Variants in ZFYVE19 observed in about 807,000 individuals in gnomAD.
ZFYVE19 encodes abscission/NoCut checkpoint regulator.
In ZFYVE19, 49 loss-of-function variants were observed where a neutral mutation model predicts 62.8. The observed-to-expected ratio is 0.78, with a 90% CI of 0.62 to 0.99. The LOEUF (loss-of-function observed/expected upper bound fraction) is 0.99. Among genes scored for constraint, ZFYVE19 ranks in the 50% least tolerant of loss-of-function variants. The pLI is 0.00. For synonymous variants in ZFYVE19, 242 were observed against 234.3 expected (o/e 1.03, Z -0.30); for missense variants, 630 against 601.9 (o/e 1.05, Z -0.49).
chr15:40,807,232 A>T lies in ZFYVE19; in HGVS notation c.-358A>T. ...GAAATGTCTGGGAGCCCGCCTGCGG[A>T]GGGCATAGCGCCGACCCTCGCTCCC... On this transcript the variant is annotated 5_prime_UTR_variant, in exon 1 of 11. Transcript: ENST00000355341. 2 of 1,552,876 alleles carry T rather than the reference A, an allele frequency of 1.3e-6. No individual in the cohort carries two copies. The highest frequency in any genetic ancestry group is 1.7e-6 in the Non-Finnish European group (2 of 1,149,050).
chr15:40,811,018 C>T (rs1221852141), intron 6 of ZFYVE19: 4 of 414,096 alleles, frequency 9.7e-6, no homozygotes, highest in Non-Finnish European at 1.8e-5. Flanking sequence ...TGACCTAAGT[C>T]TCACTTTCCT....
At chr15:40,811,596 A>C (rs1430192383) in intron 6 of ZFYVE19, among the ~76,000 whole-genome samples, 4 of 128,152 alleles carry the variant, frequency 3.1e-5, no homozygotes, top group Non-Finnish European at 6.9e-5. Context: ...TTATGAGGCC[A>C]GGTGTGGCTC....
intron 6 of ZFYVE19, among the ~76,000 whole-genome samples, chr15:40,812,302 C>T (rs1305348839): frequency 6.6e-6 from 1 of 152,114 alleles, no homozygotes; most frequent in East Asian, 1.9e-4. Context: ...AATCCCAGCA[C>T]TTTGGGAGGC....
At chr15:40,810,443 C>T (rs1360830347) in intron 5 of ZFYVE19, among the ~76,000 whole-genome samples, 4 of 152,168 alleles carry the variant, frequency 2.6e-5, no homozygotes, top group African/African-American at 4.8e-5. Context: ...CTACCAGACC[C>T]GGGGACCAGG....
chr15:40,812,748 T>C lies in ZFYVE19; in HGVS notation c.876T>C (p.Asn292=), dbSNP rs76824203. The change falls in exon 7 of 11, where the codon AAT becomes AAC. Residue 292 remains asparagine (N), a synonymous_variant. Coordinates refer to ENST00000355341, the MANE Select transcript of ZFYVE19 (RefSeq NM_001077268.2). ...ACCAGGGTGGCCCAGGGAGCACTAATTCCAAGAGGCAGGCCAACTGGTCCT... is the reference window on the plus strand; with the variant it reads ...ACCAGGGTGGCCCAGGGAGCACTAACTCCAAGAGGCAGGCCAACTGGTCCT... ...DLNQGGPGST[N]SKRQANWSLE... 1,205 of 1,612,008 alleles carry C rather than the reference T, an allele frequency of 7.5e-4. 12 individuals are homozygous for C. In the East Asian group the frequency reaches 0.019, roughly 25 times the overall value.
chr15:40,807,565 C>T lies in ZFYVE19; in HGVS notation c.-25C>T. On this transcript the variant is annotated 5_prime_UTR_variant, in exon 1 of 11. Coordinates refer to ENST00000355341, the MANE Select transcript of ZFYVE19 (RefSeq NM_001077268.2). ...TGTGTTCTGGGTCAGGCTTGACTGA[C>T]TCTGAGGGAGGCCGGCAGTCGTGAA... 1 of 1,607,882 alleles carries T rather than the reference C, an allele frequency of 6.2e-7. No homozygotes were observed. The highest frequency in any genetic ancestry group is 1.7e-4 in the Middle Eastern group (1 of 6,028).
Position 40,814,298 on chromosome 15 carries a change from G to T in ZFYVE19, c.*72G>T, listed in dbSNP as rs943478072. 7.7e-6 allele frequency: 12 copies of T among 1,552,822 alleles called. No homozygotes were observed. In the African/African-American group the frequency reaches 1.4e-4, roughly 18 times the overall value. ...CCATTTCTGGGCCCAGCCACAGGAC[G>T]TCCGATGGGAGAGCTTGTCTGGCTC... is the stretch of plus-strand genomic sequence containing the variant. On this transcript the variant is annotated 3_prime_UTR_variant, in exon 11 of 11. Transcript: ENST00000355341.
Position 40,807,588 on chromosome 15 carries a change from G to T in ZFYVE19, c.-2G>T. The T allele has an allele frequency of 1.9e-6, 3 of 1,611,522 alleles. No individual in the cohort carries two copies. Among genetic ancestry groups the T allele is most frequent in the Non-Finnish European group, 1.7e-6 (2 of 1,178,664 alleles). On this transcript the variant is annotated 5_prime_UTR_variant, in exon 1 of 11. Transcript: ENST00000355341. The stretch of plus-strand genomic sequence containing the variant: ...GACTCTGAGGGAGGCCGGCAGTCGT[G>T]AATGAACTACGACTCCCAGCAGCCC...
Position 40,810,216 on chromosome 15 carries a change from G to C in ZFYVE19, c.717G>C (p.Pro239=), listed in dbSNP as rs760523517. ...GRVLPSQTPQ[P]AHHTPDTRTQ... The stretch of plus-strand genomic sequence containing the variant: ...TTCTACCTTCTCAAACCCCCCAGCC[G>C]GTGAGTGTTATGGCTTAGGAGAGAA... The change falls in exon 5 of 11, where the codon CCG becomes CCC. Residue 239 remains proline, a splice_region_variant and synonymous_variant. Transcript: ENST00000355341. 3.7e-6 allele frequency: 6 copies of C among 1,614,112 alleles called. No homozygotes were observed. The Admixed American group carries it at 1.0e-4, about 27-fold the overall frequency.
Position 40,807,245 on chromosome 15 carries a change from G to C in ZFYVE19, c.-345G>C. 6.3e-7 allele frequency: 1 copy of C among 1,576,796 alleles called. No individual in the cohort carries two copies. Among genetic ancestry groups the C allele is most frequent in the Non-Finnish European group, 8.6e-7 (1 of 1,162,132 alleles). On this transcript the variant is annotated 5_prime_UTR_variant, in exon 1 of 11. Transcript: ENST00000355341. Reference sequence around the variant, plus strand: ...GCCCGCCTGCGGAGGGCATAGCGCCGACCCTCGCTCCCCGCCCAGGACCCG... The same window carrying C: ...GCCCGCCTGCGGAGGGCATAGCGCCCACCCTCGCTCCCCGCCCAGGACCCG...
chr15:40,814,281 G>A lies in ZFYVE19; in HGVS notation c.*55G>A. ...CCCACAGGCAGCGGCACCCATTTCTGGGCCCAGCCACAGGACGTCCGATGG... is the reference window on the plus strand; with the variant it reads ...CCCACAGGCAGCGGCACCCATTTCTAGGCCCAGCCACAGGACGTCCGATGG... On this transcript the variant is annotated 3_prime_UTR_variant, in exon 11 of 11. Coordinates refer to ENST00000355341, the MANE Select transcript of ZFYVE19 (RefSeq NM_001077268.2). The A allele has an allele frequency of 6.2e-7, 1 of 1,602,520 alleles. No homozygotes were observed. The highest frequency in any genetic ancestry group is 8.5e-7 in the Non-Finnish European group (1 of 1,173,940).
chr15:40,812,882 G>C lies in ZFYVE19; in HGVS notation c.1010G>C (p.Arg337Pro). ...LALAKRLAML[R>P]GQDPERVTLQ... ...CTGGCCAAGCGACTAGCCATGCTGCGGGGACAGGACCCCGAGAGAGGTGAA... is the reference window on the plus strand; with the variant it reads ...CTGGCCAAGCGACTAGCCATGCTGCCGGGACAGGACCCCGAGAGAGGTGAA... Residue 337 changes from arginine to proline, a missense_variant, in exon 7 of 11, where the codon CGG becomes CCG. Arg to Pro is a moderately radical substitution (Grantham distance 103, BLOSUM62 -2). Transcript: ENST00000355341. 6.2e-7 allele frequency: 1 copy of C among 1,612,200 alleles called. No homozygotes were observed. Among genetic ancestry groups the C allele is most frequent in the Non-Finnish European group, 8.5e-7 (1 of 1,179,942 alleles).
Position 40,814,178 on chromosome 15 carries a change from G to A in ZFYVE19, c.1368G>A (p.Glu456=), listed in dbSNP as rs751091464. The part of the protein sequence containing the change: ...REGHDAFELK[E]HQTSAYSPPR... Reference sequence around the variant, plus strand: ...GCCATGATGCCTTTGAGCTTAAAGAGCACCAGACATCTGCCTACTCTCCTC... The same window carrying A: ...GCCATGATGCCTTTGAGCTTAAAGAACACCAGACATCTGCCTACTCTCCTC... The change falls in exon 11 of 11, where the codon GAG becomes GAA. Residue 456 remains glutamate (E), a synonymous_variant. Coordinates refer to ENST00000355341, the MANE Select transcript of ZFYVE19 (RefSeq NM_001077268.2). 1.2e-6 allele frequency: 2 copies of A among 1,614,048 alleles called. No homozygotes were observed. The highest frequency in any genetic ancestry group is 1.7e-6 in the Non-Finnish European group (2 of 1,180,046).
Position 40,814,287 on chromosome 15 carries a change from A to C in ZFYVE19, c.*61A>C, listed in dbSNP as rs7915. 0.36 allele frequency: 578,684 copies of C among 1,592,262 alleles called. 109,893 individuals are homozygous for C. The highest frequency in any genetic ancestry group is 0.67 in the East Asian group (29,729 of 44,240). On this transcript the variant is annotated 3_prime_UTR_variant, in exon 11 of 11. Transcript: ENST00000355341. ...GGCAGCGGCACCCATTTCTGGGCCCAGCCACAGGACGTCCGATGGGAGAGC... is the reference window on the plus strand; with the variant it reads ...GGCAGCGGCACCCATTTCTGGGCCCCGCCACAGGACGTCCGATGGGAGAGC...
intron 8 of ZFYVE19, 70 bp from the exon 9 acceptor site, chr15:40,813,643 A>G: frequency 7.0e-7 from 1 of 1,431,952 alleles, no homozygotes; most frequent in South Asian, 1.2e-5. Flanking sequence ...TCCACAGTGC[A>G]CAGAAATACT....
chr15:40,809,093 G>C, intron 1 of ZFYVE19, 26 bp from the exon 2 acceptor site: 1 of 1,611,102 alleles, frequency 6.2e-7, no homozygotes, highest in Non-Finnish European at 8.5e-7. Context: ...GTGAGAGGGG[G>C]ATCTCCCGCT....
In ZFYVE19 at chr15:40,810,835, T is replaced by G. The variant is rs548670583; in HGVS notation, c.826+78T>G. On this transcript the variant is annotated intron_variant, in intron 6 of 10. Coordinates refer to ENST00000355341, the MANE Select transcript of ZFYVE19 (RefSeq NM_001077268.2). ...TGGAGAGGCTCTGCTGTCCACCCTC[T>G]GGGAGATGAATATAAATCGGAGAGT... The G allele has an allele frequency of 1.1e-5, 17 of 1,513,852 alleles. No homozygotes were observed. The Admixed American group carries it at 3.5e-4, about 31-fold the overall frequency. The allele number at this position is 1,513,852 out of a possible 1,614,324, so 93.8% of individuals were successfully genotyped here. A position where few individuals can be genotyped will look rare whatever the true frequency, so the allele number is the denominator to read the frequency against.
rs1596109476 is a variant in ZFYVE19, at chr15:40,807,501, G to C, written c.-89G>C. 3 of 1,610,942 alleles carry C rather than the reference G, an allele frequency of 1.9e-6. No homozygotes were observed. The highest frequency in any genetic ancestry group is 1.7e-6 in the Non-Finnish European group (2 of 1,177,606). ...CTCCCAAGAGTCTAAGCGCGCGTGA[G>C]GACTGCAGGCTCCGAGCGGCGCCTA... On this transcript the variant is annotated 5_prime_UTR_variant, in exon 1 of 11. Coordinates refer to ENST00000355341, the MANE Select transcript of ZFYVE19 (RefSeq NM_001077268.2).
Position 40,814,385 on chromosome 15 carries a change from C to A in ZFYVE19, c.*159C>A, listed in dbSNP as rs565342687. The A allele has an allele frequency of 1.9e-5, 16 of 823,242 alleles. No individual in the cohort carries two copies. The highest frequency in any genetic ancestry group is 2.8e-5 in the Non-Finnish European group (15 of 532,694). 51.0% of individuals were successfully genotyped at this position (823,242 alleles called of 1,614,324 possible). On this transcript the variant is annotated 3_prime_UTR_variant, in exon 11 of 11. Transcript: ENST00000355341. ...GTCCCTGGAATGAGGAAAGATTCTC[C>A]ATTCGAGAGAATGACTGGGAGGGAA... is the stretch of plus-strand genomic sequence containing the variant.
Sources: gnomAD v4.1 joint callset for allele counts (sites outside exome capture counted in the v4.1 genomes callset) on GRCh38, gnomAD v4.1.1 for gene constraint, MANE v1.5 for transcripts, NCBI Gene and HGNC (gene_info 2026-07-23, HGNC 2026-07-21) for gene names.